Variants in CADPS2 observed in about 807,000 individuals in gnomAD.
CADPS2 encodes the protein calcium dependent secretion activator 2.
A neutral mutation model predicts 172.5 loss-of-function variants in CADPS2; 93 were observed. The ratio of observed to expected loss-of-function variants is 0.54; its 90% CI spans 0.46 to 0.64. CADPS2 has a LOEUF of 0.64. Ranked by LOEUF, CADPS2 falls within the 30% of genes least tolerant of loss-of-function variation. The pLI, the probability that CADPS2 is intolerant of heterozygous loss-of-function variation, is 0.00. For missense variants in CADPS2, 1,420 were observed against 1,565.9 expected (o/e 0.91, Z 1.57); for synonymous variants, 546 against 555.2 (o/e 0.98, Z 0.23).
intron 3 of CADPS2, among the ~76,000 whole-genome samples, chr7:122,641,248 G>T (rs1235973669): frequency 6.6e-6 from 1 of 152,074 alleles, no homozygotes; most frequent in Non-Finnish European, 1.5e-5. Flanking sequence ...TTTATTATCT[G>T]CAATGCTTCT....
At chr7:122,517,632 T>G (rs1158986364) in intron 8 of CADPS2, among the ~76,000 whole-genome samples, 1 of 152,074 alleles carries the variant, frequency 6.6e-6, no homozygotes, top group African/African-American at 2.4e-5. Flanking sequence ...ACAACCAAGT[T>G]GAATATTTAG....
intron 9 of CADPS2, among the ~76,000 whole-genome samples, chr7:122,509,538 C>T (rs900901106): frequency 1.3e-5 from 2 of 152,176 alleles, no homozygotes; most frequent in Non-Finnish European, 2.9e-5. Context: ...TATACCATCA[C>T]TCCCTGGCCA....
chr7:122,773,976 TTATA>T (rs2093785608), intron 1 of CADPS2, among the ~76,000 whole-genome samples: 1 of 151,998 alleles, frequency 6.6e-6, no homozygotes, highest in Non-Finnish European at 1.5e-5. Context: ...TGCATAAACT[TTATA>T]TATTATAGGT....
At chr7:122,817,898 T>C (rs1393022859) in intron 1 of CADPS2, among the ~76,000 whole-genome samples, 1 of 150,952 alleles carries the variant, frequency 6.6e-6, no homozygotes, top group Non-Finnish European at 1.5e-5. Flanking sequence ...CAATCCCTTA[T>C]CTCTGTGCCC....
At chr7:122,437,545 G>C (rs554345772) in intron 17 of CADPS2, among the ~76,000 whole-genome samples, 14 of 152,008 alleles carry the variant, frequency 9.2e-5, no homozygotes, top group East Asian at 3.9e-4. Context: ...TTTCAGGTAA[G>C]AAACTTTTAT....
intron 6 of CADPS2, among the ~76,000 whole-genome samples, chr7:122,582,738 T>G (rs957779302): frequency 1.3e-5 from 2 of 152,044 alleles, no homozygotes; most frequent in African/African-American, 4.8e-5. Context: ...AAATTCAGTG[T>G]CACATGGTTA....
chr7:122,751,483 C>T, intron 1 of CADPS2, among the ~76,000 whole-genome samples: 1 of 152,170 alleles, frequency 6.6e-6, no homozygotes, highest in Admixed American at 6.5e-5. Flanking sequence ...ACAATTCTCC[C>T]TCACACACAA....
chr7:122,522,564 A>C (rs1309008094), intron 8 of CADPS2, among the ~76,000 whole-genome samples: 1 of 152,158 alleles, frequency 6.6e-6, no homozygotes, highest in Non-Finnish European at 1.5e-5. Context: ...TTGTAGTGGG[A>C]ACATTTCAAA....
At chr7:122,818,529 A>T (rs1329872362) in intron 1 of CADPS2, among the ~76,000 whole-genome samples, 1 of 152,040 alleles carries the variant, frequency 6.6e-6, no homozygotes, top group African/African-American at 2.4e-5. Flanking sequence ...ACCAACCCCA[A>T]GCATCACTGA....
At chr7:122,422,952 C>A (rs572218181) in intron 17 of CADPS2, among the ~76,000 whole-genome samples, 2 of 152,126 alleles carry the variant, frequency 1.3e-5, no homozygotes, top group African/African-American at 4.8e-5. Context: ...GAGTGAGACT[C>A]CGTCTCAAAA....
intron 8 of CADPS2, among the ~76,000 whole-genome samples, chr7:122,525,410 G>A (rs571376154): frequency 2.6e-5 from 4 of 152,186 alleles, no homozygotes; most frequent in East Asian, 3.9e-4. Context: ...CCTCTTCTAC[G>A]AAAACTATGT....
At position 122,438,328 on chromosome 7, in the gene CADPS2, TCACTGCA is replaced by T. The variant is rs1414410312; in HGVS notation, c.2476+6_2476+12del. 6.2e-7 allele frequency: 1 copy of T among 1,612,692 alleles called. No individual in the cohort carries two copies. The highest frequency in any genetic ancestry group is 8.5e-7 in the Non-Finnish European group (1 of 1,178,968). ...CTCTCACTGCCACTTCGACAATTGCTCACTGCACTGACCTTCTATTTTGGCATATTCT... is the reference window on the plus strand; with the variant it reads ...CTCTCACTGCCACTTCGACAATTGCTCTGACCTTCTATTTTGGCATATTCT... On this transcript the variant is annotated splice_donor_region_variant and intron_variant, in intron 17 of 29. Coordinates refer to ENST00000449022, the MANE Select transcript of CADPS2 (RefSeq NM_017954.11).
At chr7:122,839,399 C>T (rs1809664531) in intron 1 of CADPS2, among the ~76,000 whole-genome samples, 1 of 152,134 alleles carries the variant, frequency 6.6e-6, no homozygotes, top group Non-Finnish European at 1.5e-5. Flanking sequence ...ACACCAAAAG[C>T]AATGGCAACA....
rs374840873 is a variant in CADPS2 at position 122,416,121 on chromosome 7, A to C, written c.2520T>G (p.Ile840Met). 26 of 1,554,300 alleles carry C rather than the reference A, an allele frequency of 1.7e-5. No individual in the cohort carries two copies. The African/African-American group carries it at 3.1e-4, about 19-fold the overall frequency. ...QASPARKLEEILHLAELCIEV... is the reference protein window; with the variant it reads ...QASPARKLEEMLHLAELCIEV... Reference sequence around the variant, plus strand: ...CTATGCAGAGCTCTGCCAGATGAAGAATCTCTTCCAGCTTTCTAGCAGGAG... The same window carrying C: ...CTATGCAGAGCTCTGCCAGATGAAGCATCTCTTCCAGCTTTCTAGCAGGAG... The change falls in exon 18 of 30, where the codon ATT becomes ATG. Residue 840 changes from isoleucine to methionine, a missense_variant. By Grantham distance (10) the Ile-to-Met change is conservative. Transcript: ENST00000449022.
At chr7:122,352,989 T>C (rs538516896) in intron 27 of CADPS2, among the ~76,000 whole-genome samples, 174 of 152,278 alleles carry the variant, frequency 1.1e-3, no homozygotes, top group African/African-American at 4.0e-3. Flanking sequence ...GTAGAAACAA[T>C]AACAATTTAT....
At chr7:122,377,851 G>A (rs1420926434) in intron 25 of CADPS2, among the ~76,000 whole-genome samples, 2 of 152,086 alleles carry the variant, frequency 1.3e-5, no homozygotes, top group Non-Finnish European at 2.9e-5. Flanking sequence ...ATAAGCTGGT[G>A]AGGTGGTGTG....
At chr7:122,741,340 G>C (rs1038068121) in intron 1 of CADPS2, among the ~76,000 whole-genome samples, 1 of 152,140 alleles carries the variant, frequency 6.6e-6, no homozygotes, top group Admixed American at 6.5e-5. Context: ...GTGGGAACTG[G>C]ACAGACAGAA....
At chr7:122,669,278 C>A (rs1214146470) in intron 2 of CADPS2, among the ~76,000 whole-genome samples, 3 of 151,540 alleles carry the variant, frequency 2.0e-5, no homozygotes, top group Non-Finnish European at 4.4e-5. Flanking sequence ...TTGTAGTGAG[C>A]CATGATCACA....
chr7:122,781,721 T>C (rs910411402), intron 1 of CADPS2, among the ~76,000 whole-genome samples: 1 of 152,164 alleles, frequency 6.6e-6, no homozygotes, highest in African/African-American at 2.4e-5. Context: ...CTACTTATTT[T>C]TAATACTATA....
Sources: allele counts gnomAD v4.1 joint callset (sites outside exome capture counted in the v4.1 genomes callset), GRCh38; gene constraint gnomAD v4.1.1; transcripts MANE v1.5; gene names NCBI Gene and HGNC (gene_info 2026-07-23, HGNC 2026-07-21).